Variants in NTAN1 observed in about 807,000 individuals in gnomAD.
The protein encoded by NTAN1 is protein N-terminal asparagine amidohydrolase.
A neutral mutation model predicts 41.9 loss-of-function variants in NTAN1; 32 were observed. The ratio of observed to expected loss-of-function variants is 0.76; its 90% confidence interval spans 0.58 to 1.03. NTAN1 has a LOEUF of 1.03. Among genes scored for constraint, NTAN1 ranks in the 50% least tolerant of loss-of-function variants. The pLI is 0.00. For synonymous variants in NTAN1, 140 were observed against 139.5 expected, an observed-to-expected ratio of 1.00 and a Z score of -0.03; for missense variants, 377 against 377.5, an observed-to-expected ratio of 1.00 and a Z score of 0.01.
chr16:15,042,753 G>A (rs866292011), intron 5 of NTAN1, among the ~76,000 whole-genome samples: 1 of 68,368 alleles, frequency 1.5e-5, no homozygotes, highest in African/African-American at 3.7e-5. Context: ...TATTTATTGA[G>A]ACGAAGTCTC....
At chr16:15,041,878 G>A (rs1430619434) in intron 5 of NTAN1, among the ~76,000 whole-genome samples, 2 of 152,180 alleles carry the variant, frequency 1.3e-5, no homozygotes, top group Non-Finnish European at 2.9e-5. Context: ...GCCAGGAGAT[G>A]GCCACATTCT....
intron 8 of NTAN1, 63 bp from the exon 9 acceptor site, chr16:15,038,750 G>A: frequency 3.5e-6 from 3 of 856,836 alleles, no homozygotes; most frequent in Non-Finnish European, 5.9e-6. Context: ...AACCCTCCCA[G>A]TAACGCAAGC....
chr16:15,043,534 C>G (rs144960274), intron 5 of NTAN1, among the ~76,000 whole-genome samples: 1,707 of 152,326 alleles, frequency 0.011, 13 homozygotes, highest in Non-Finnish European at 0.018. Flanking sequence ...AGAGTGAGGC[C>G]TTCAGTCATG....
intron 7 of NTAN1, 48 bp from the exon 8 acceptor site, chr16:15,040,114 G>T: frequency 9.5e-7 from 1 of 1,054,212 alleles, no homozygotes. Flanking sequence ...GACCAAAGCG[G>T]AAAGTCTGCA....
intron 7 of NTAN1, 107 bp downstream of exon 7, chr16:15,040,961 C>A: frequency 2.5e-6 from 2 of 800,770 alleles, no homozygotes; most frequent in Non-Finnish European, 2.2e-6. Context: ...GGATCTGAAC[C>A]CAAAGCTGTC....
At position 15,055,944 on chromosome 16, in the gene NTAN1, C is replaced by A; in HGVS notation, c.28G>T (p.Val10Leu). 1 of 1,231,122 alleles carries A rather than the reference C, an allele frequency of 8.1e-7. No homozygotes were observed. Among genetic ancestry groups the A allele is most frequent in the Non-Finnish European group, 1.0e-6 (1 of 986,514 alleles). The allele number at this position is 1,231,122 out of a possible 1,614,324, so 76.3% of individuals were successfully genotyped here. A position where few individuals can be genotyped will look rare whatever the true frequency, so the allele number is the denominator to read the frequency against. The change falls in exon 1 of 10, where the codon GTG (valine) becomes TTG (leucine). Residue 10 changes from valine (V) to leucine (L), a missense_variant. Val to Leu is a conservative substitution (Grantham distance 32). Coordinates refer to ENST00000287706, the MANE Select transcript of NTAN1 (RefSeq NM_173474.4). MPLLVEGRRVRLPQSAGDLV... is the reference protein window; with the variant it reads MPLLVEGRRLRLPQSAGDLV... The stretch of plus-strand genomic sequence containing the variant: ...TCCCCGGCTGACTGCGGCAGCCGCA[C>A]TCGCCGCCCCTCGACGAGCAGCGGC...
At chr16:15,038,273 A>T in intron 9 of NTAN1, 63 bp from the exon 10 acceptor site, 5 of 1,144,362 alleles carry the variant, frequency 4.4e-6, no homozygotes, top group Non-Finnish European at 6.4e-6. Context: ...TGTGATAAAG[A>T]TGTCAAAGTA....
intron 7 of NTAN1, chr16:15,040,345 T>C (rs747795500): frequency 4.4e-5 from 17 of 383,340 alleles, no homozygotes; most frequent in East Asian, 1.4e-4. Flanking sequence ...CAGTCGGACA[T>C]GTAGCAAAAC....
intron 4 of NTAN1, chr16:15,047,118 A>C: frequency 5.9e-6 from 2 of 341,552 alleles, no homozygotes; most frequent in Non-Finnish European, 5.4e-6. Flanking sequence ...TGCGGGAGGA[A>C]TGACTGCATG....
intron 7 of NTAN1, 45 bp downstream of exon 7, chr16:15,041,023 A>T (rs1373599689): frequency 1.5e-6 from 2 of 1,298,112 alleles, no homozygotes; most frequent in South Asian, 2.4e-5. Flanking sequence ...CTTTAACTGC[A>T]CATGTGACCA....
intron 1 of NTAN1, among the ~76,000 whole-genome samples, chr16:15,050,561 G>C (rs553010520): frequency 2.0e-5 from 3 of 152,106 alleles, no homozygotes; most frequent in South Asian, 2.1e-4. Context: ...GGAAGATCCT[G>C]TCTCTACAAA....
chr16:15,047,352 C>T (rs1303570408), intron 4 of NTAN1, 90 bp downstream of exon 4: 2 of 849,502 alleles, frequency 2.4e-6, no homozygotes, highest in Non-Finnish European at 4.0e-6. Context: ...GTGGTGGCAT[C>T]CTGTGTTCCC....
At position 15,054,412 on chromosome 16, in the gene NTAN1, A is replaced by G. The variant is rs189200296; in HGVS notation, c.81+1479T>C. Among the ~76,000 whole-genome samples the G allele has an allele frequency of 2.2e-4, 34 of 152,298 alleles. No homozygotes were observed. The East Asian group carries it at 5.0e-3, about 22-fold the overall frequency. ...GCCCGGGACACCCATCTAACTTTCT[A>G]TCACGGACATTTTCAAACAGACATA... On this transcript the variant is annotated intron_variant, in intron 1 of 9. Coordinates refer to ENST00000287706, the MANE Select transcript of NTAN1 (RefSeq NM_173474.4).
intron 5 of NTAN1, among the ~76,000 whole-genome samples, chr16:15,042,499 A>G (rs1272538267): frequency 6.6e-6 from 1 of 151,984 alleles, no homozygotes; most frequent in African/African-American, 2.4e-5. Context: ...CGACAATTTT[A>G]TATCCTGATT....
rs957930070 is a variant in NTAN1 at position 15,038,049 on chromosome 16, G to A, written c.915C>T (p.Ile305=). The part of the protein sequence containing the change: ...KKNEDGLWEK[I]SSPGS Reference sequence around the variant, plus strand: ...ATGTTTTTTAACTTCCTGGAGAAGAGATCTTTTCCCACAAGCCATCTTCAT... The same window carrying A: ...ATGTTTTTTAACTTCCTGGAGAAGAAATCTTTTCCCACAAGCCATCTTCAT... The change falls in exon 10 of 10, where the codon ATC becomes ATT. Residue 305 remains isoleucine (I), a synonymous_variant. Transcript: ENST00000287706. 6.2e-7 allele frequency: 1 copy of A among 1,611,996 alleles called. No individual in the cohort carries two copies. The highest frequency in any genetic ancestry group is 1.3e-5 in the African/African-American group (1 of 74,816).
In NTAN1 at chr16:15,047,870, C is replaced by T. The variant is rs767604798; in HGVS notation, c.235G>A (p.Val79Ile). The change falls in exon 3 of 10, where the codon GTC (valine) becomes ATC (isoleucine). Residue 79 changes from valine to isoleucine, a missense_variant. Val to Ile is a conservative substitution (Grantham distance 29, BLOSUM62 3). Coordinates refer to ENST00000287706, the MANE Select transcript of NTAN1 (RefSeq NM_173474.4). ...CTCATCATACCTGTGTGCCTCAGGA[C>T]CACAATGTGACAAGTAGTGGCATCA... ...SDDATTCHIV[V>I]LRHTGNGATC... 6.2e-7 allele frequency: 1 copy of T among 1,613,026 alleles called. No individual in the cohort carries two copies. The highest frequency in any genetic ancestry group is 1.1e-5 in the South Asian group (1 of 91,056).
intron 1 of NTAN1, among the ~76,000 whole-genome samples, chr16:15,051,729 C>T: frequency 7.0e-6 from 1 of 143,230 alleles, no homozygotes. Context: ...GAGACAAGGC[C>T]TCACTCTGTT....
intron 1 of NTAN1, among the ~76,000 whole-genome samples, chr16:15,053,743 T>C (rs1296563276): frequency 6.6e-6 from 1 of 152,054 alleles, no homozygotes; most frequent in Non-Finnish European, 1.5e-5. Flanking sequence ...AAAACCCGTC[T>C]CTACTAAAAA....
intron 1 of NTAN1, among the ~76,000 whole-genome samples, chr16:15,055,535 C>T (rs373231249): frequency 6.6e-6 from 1 of 152,222 alleles, no homozygotes; most frequent in Non-Finnish European, 1.5e-5. Context: ...CGAAGGCGGG[C>T]GGCCGGATTT....
Sources: allele counts gnomAD v4.1 joint callset (sites outside exome capture counted in the v4.1 genomes callset), GRCh38; gene constraint gnomAD v4.1.1; transcripts MANE v1.5; gene names NCBI Gene and HGNC (gene_info 2026-07-23, HGNC 2026-07-21).